The following SCAMP4 variants were observed in gnomAD, a reference collection of about 807,000 sequenced individuals.
SCAMP4 encodes the protein secretory carrier membrane protein 4.
A neutral mutation model predicts 32.1 loss-of-function variants in SCAMP4; 19 were observed. The observed-to-expected ratio is 0.59, with a 90% CI of 0.41 to 0.87. The LOEUF (loss-of-function observed/expected upper bound fraction) is 0.87. SCAMP4 is among the 40% of genes least tolerant of loss of function. The probability of loss-of-function intolerance (pLI) is 0.00; values close to 1 mark genes in which losing one functional copy is unlikely to be tolerated. For missense variants in SCAMP4, 302 were observed against 309.0 expected (o/e 0.98, Z 0.17); for synonymous variants, 152 against 132.7 (o/e 1.15, Z -1.00).
At chr19:1,922,554 T>C (rs975671296) in intron 5 of SCAMP4, 2 of 985,418 alleles carry the variant, frequency 2.0e-6, no homozygotes, top group South Asian at 4.7e-5. Context: ...TTTCTAATGG[T>C]CCCTCAGTGC....
intron 5 of SCAMP4, chr19:1,922,286 A>G: frequency 6.1e-6 from 6 of 980,858 alleles, no homozygotes; most frequent in Non-Finnish European, 7.3e-6. Context: ...TTGAGACAGA[A>G]TCTTGCTCTG....
chr19:1,920,908 G>T, intron 5 of SCAMP4: 1 of 985,412 alleles, frequency 1.0e-6, no homozygotes, highest in African/African-American at 1.7e-5. Context: ...CCTCGTGCAC[G>T]TGCGGCAGCA....
chr19:1,908,022 GTT>G lies in SCAMP4; in HGVS notation c.-42+2587_-42+2588del, dbSNP rs1462245189. 6.3e-6 allele frequency: 1 copy of G among 158,448 alleles called. No individual in the cohort carries two copies. The highest frequency in any genetic ancestry group is 6.3e-5 in the Admixed American group (1 of 15,830). The allele number at this position is 158,448 out of a possible 1,614,324, so 9.8% of individuals were successfully genotyped here. ...CAGCTGCCTCCTCTCTGGGTCGTTT[GTT>G]TTTCATCAGACAGAGGTTGTACTCT... On this transcript the variant is annotated intron_variant, in intron 1 of 6. Coordinates refer to ENST00000316097, the MANE Select transcript of SCAMP4 (RefSeq NM_079834.4). This position sits in a 1 kb window ranked among gnomAD's most constrained non-coding sequence, Gnocchi z 4.2.
intron 1 of SCAMP4, 194 bp downstream of exon 1, chr19:1,905,633 TGCGCGC>T (rs201231677): frequency 1.3e-5 from 2 of 159,186 alleles, no homozygotes; most frequent in South Asian, 2.0e-4. Context: ...CGAATGCGCG[TGCGCGC>T]GCGCGCGCGG....
intron 1 of SCAMP4, chr19:1,913,202 C>T (rs751350195): frequency 6.3e-5 from 92 of 1,461,240 alleles, no homozygotes; most frequent in Non-Finnish European, 7.7e-5. Flanking sequence ...GTGGGGCGCC[C>T]CTCCTGGACT....
chr19:1,923,771 A>T (rs1291426531), intron 6 of SCAMP4, among the ~76,000 whole-genome samples: 2 of 120,454 alleles, frequency 1.7e-5, no homozygotes, highest in Non-Finnish European at 3.4e-5. Context: ...GGCGCCCGCT[A>T]CCGCACCTGG....
In SCAMP4 at chr19:1,918,836, G is replaced by A. The variant is rs200170895; in HGVS notation, c.294-53G>A. On this transcript the variant is annotated intron_variant, in intron 4 of 6. Transcript: ENST00000316097. ...GACTGGCCCGTTCCTCTCTAGGCGC[G>A]TCTGGGAGAAGCCAGGGCTGTGGTA... 150 of 1,563,132 alleles carry A rather than the reference G, an allele frequency of 9.6e-5. 1 individual carries two copies. In the East Asian group the frequency reaches 2.9e-3, roughly 30 times the overall value.
intron 1 of SCAMP4, chr19:1,907,043 C>G (rs1382394916): frequency 6.6e-6 from 1 of 151,694 alleles, no homozygotes; most frequent in East Asian, 1.9e-4. Context: ...AAAAATTAGC[C>G]AGGCATAGTG....
In SCAMP4 at chr19:1,911,939, G is replaced by A. The variant is rs969054768; in HGVS notation, c.-41-3040G>A. On this transcript the variant is annotated intron_variant, in intron 1 of 6. Transcript: ENST00000316097. ...TAGCTCTGATGCGGTGACCTGGGCCGGAGCCCTCGGACTAGCCTCAGCTTT... is the reference window on the plus strand; with the variant it reads ...TAGCTCTGATGCGGTGACCTGGGCCAGAGCCCTCGGACTAGCCTCAGCTTT... The A allele has an allele frequency of 1.3e-5, 18 of 1,354,456 alleles. No homozygotes were observed. The African/African-American group carries it at 1.4e-4, about 10-fold the overall frequency. 83.9% of individuals were successfully genotyped at this position (1,354,456 alleles called of 1,614,324 possible).
Position 1,925,467 on chromosome 19 carries a change from A to G in SCAMP4, c.*1183A>G, listed in dbSNP as rs1178279283. 2.6e-5 allele frequency: 4 copies of G among 152,638 alleles called. No individual in the cohort carries two copies. The highest frequency in any genetic ancestry group is 6.6e-5 in the Admixed American group (1 of 15,240). The allele number at this position is 152,638 out of a possible 1,614,324, so 9.5% of individuals were successfully genotyped here. On this transcript the variant is annotated 3_prime_UTR_variant, in exon 7 of 7. Transcript: ENST00000316097. Reference sequence around the variant, plus strand: ...ATGGAGGGGTCCGGCAGCGGCCACAATTGTCTTGTCCCCTCACCCCCCAAC... The same window carrying G: ...ATGGAGGGGTCCGGCAGCGGCCACAGTTGTCTTGTCCCCTCACCCCCCAAC...
At chr19:1,912,600 G>T in intron 1 of SCAMP4, 1 of 1,488,354 alleles carries the variant, frequency 6.7e-7, no homozygotes, top group Non-Finnish European at 8.9e-7. Context: ...CTCCACGCAG[G>T]AGCGCGCCGC....
At chr19:1,921,148 G>T in intron 5 of SCAMP4, 1 of 985,406 alleles carries the variant, frequency 1.0e-6, no homozygotes, top group Non-Finnish European at 1.2e-6. Context: ...GTGCGCTGCT[G>T]TGGGGCGAGA....
intron 1 of SCAMP4, chr19:1,912,815 C>T (rs1213661809): frequency 1.9e-6 from 3 of 1,587,426 alleles, no homozygotes; most frequent in East Asian, 4.5e-5. Context: ...GCCGCGGCAC[C>T]TACGACTTCA....
intron 1 of SCAMP4, among the ~76,000 whole-genome samples, chr19:1,907,391 TAA>T (rs111426560): frequency 1.1e-4 from 15 of 137,254 alleles, no homozygotes; most frequent in Admixed American, 1.5e-4. Flanking sequence ...AGCCCTGCCT[TAA>T]AAAAAAAAAA....
rs765307164 is a variant in SCAMP4, at chr19:1,917,720, C to T, written c.34C>T (p.Pro12Ser). The change falls in exon 3 of 7, where the codon CCC (proline) becomes TCC (serine). Residue 12 changes from proline to serine, a missense_variant. By Grantham distance (74) the Pro-to-Ser change is moderately conservative. Coordinates refer to ENST00000316097, the MANE Select transcript of SCAMP4 (RefSeq NM_079834.4). ...AAAGGAGAACAACTTCCCGCCACTG[C>T]CCAAGTTCATCCCTGTGAAGCCCTG... ...SEKENNFPPL[P>S]KFIPVKPCFY... 7.0e-5 allele frequency: 113 copies of T among 1,613,910 alleles called. No homozygotes were observed. The highest frequency in any genetic ancestry group is 9.2e-5 in the Non-Finnish European group (108 of 1,179,894).
At chr19:1,905,991 C>G (rs533664101) in intron 1 of SCAMP4, 3 of 152,316 alleles carry the variant, frequency 2.0e-5, no homozygotes, top group Admixed American at 6.5e-5. Flanking sequence ...CACACTACCC[C>G]GAGGACCGAG....
intron 1 of SCAMP4, chr19:1,913,201 C>A: frequency 6.8e-7 from 1 of 1,461,184 alleles, no homozygotes; most frequent in Middle Eastern, 2.3e-4. Flanking sequence ...CGTGGGGCGC[C>A]CCTCCTGGAC....
intron 2 of SCAMP4, chr19:1,915,479 T>TGG (rs1178882004): frequency 4.8e-6 from 1 of 210,356 alleles, no homozygotes; most frequent in African/African-American, 2.3e-5. Context: ...CAGAAGCTCC[T>TGG]GGGGGGCTCC....
In SCAMP4 at chr19:1,925,122, G is replaced by C. The variant is rs1047068902; in HGVS notation, c.*838G>C. 3.3e-5 allele frequency: 5 copies of C among 150,018 alleles called. No individual in the cohort carries two copies. Among genetic ancestry groups the C allele is most frequent in the African/African-American group, 1.2e-4 (5 of 40,544 alleles). The allele number at this position is 150,018 out of a possible 1,614,324, so 9.3% of individuals were successfully genotyped here. ...TTTTGTTTTTTCTCTTTTGAGACAA[G>C]AGTTTCACTCTGTCGCCCAGGCTGG... On this transcript the variant is annotated 3_prime_UTR_variant, in exon 7 of 7. Transcript: ENST00000316097.
Sources: allele counts gnomAD v4.1 joint callset (sites outside exome capture counted in the v4.1 genomes callset), GRCh38; gene constraint gnomAD v4.1.1; non-coding constraint Gnocchi (gnomAD v3.1); transcripts MANE v1.5; gene names NCBI Gene and HGNC (gene_info 2026-07-23, HGNC 2026-07-21).